Variants in DPP10 observed in about 807,000 individuals in gnomAD.
DPP10 encodes dipeptidyl peptidase like 10.
Under a neutral mutation model 120.9 loss-of-function variants are expected in DPP10, and 33 were observed. The observed-to-expected ratio is 0.27, with a 90% CI of 0.21 to 0.37. DPP10 has a LOEUF of 0.37. Ranked by LOEUF, DPP10 falls within the 10% of genes least tolerant of loss-of-function variation. The pLI is 1.00. For synonymous variants in DPP10, 337 were observed against 326.1 expected (o/e 1.03, Z -0.36); for missense variants, 816 against 942.8 (o/e 0.87, Z 1.76).
chr2:115,434,566 G>A (rs187385509), intron 3 of DPP10, among the ~76,000 whole-genome samples: 1 of 151,742 alleles, frequency 6.6e-6, no homozygotes, highest in South Asian at 2.1e-4. Context: ...GATCCATAAT[G>A]TGGTACATAT....
intron 5 of DPP10, among the ~76,000 whole-genome samples, chr2:115,613,027 A>G (rs1414749237): frequency 6.6e-6 from 1 of 152,204 alleles, no homozygotes; most frequent in Non-Finnish European, 1.5e-5. Flanking sequence ...CACAACTACT[A>G]CATGACCTTC....
intron 5 of DPP10, among the ~76,000 whole-genome samples, chr2:115,628,138 C>A (rs1044421359): frequency 6.6e-6 from 1 of 152,174 alleles, no homozygotes; most frequent in Non-Finnish European, 1.5e-5. Flanking sequence ...TTTTCACCAA[C>A]AGTGTAAAAG....
At chr2:115,703,956 G>A (rs576570507) in intron 7 of DPP10, among the ~76,000 whole-genome samples, 1 of 151,864 alleles carries the variant, frequency 6.6e-6, no homozygotes, top group Admixed American at 6.6e-5. Context: ...TCTAAAATTT[G>A]TTCTCACATC....
At chr2:114,730,107 AT>A (rs1418880595) in intron 1 of DPP10, among the ~76,000 whole-genome samples, 2 of 151,894 alleles carry the variant, frequency 1.3e-5, no homozygotes, top group African/African-American at 2.4e-5. Flanking sequence ...CATAATAAAA[AT>A]ATTATTTGTT....
intron 5 of DPP10, among the ~76,000 whole-genome samples, chr2:115,635,386 G>T (rs2086244624): frequency 6.6e-6 from 1 of 152,148 alleles, no homozygotes; most frequent in Non-Finnish European, 1.5e-5. Flanking sequence ...GAAAAAGTGT[G>T]GTTTCCCAGG....
intron 1 of DPP10, among the ~76,000 whole-genome samples, chr2:114,832,359 C>T (rs1414953297): frequency 6.6e-6 from 1 of 152,078 alleles, no homozygotes; most frequent in Non-Finnish European, 1.5e-5. Flanking sequence ...CGGTGAAACA[C>T]CGCCTCTACT....
rs1468075846 is a variant in DPP10, at chr2:115,478,029, T to C, written c.272-21481T>C. Among the ~76,000 whole-genome samples the C allele has an allele frequency of 3.3e-5, 5 of 152,206 alleles. No individual in the cohort carries two copies. In the East Asian group the frequency reaches 9.7e-4, roughly 30 times the overall value. On this transcript the variant is annotated intron_variant, in intron 3 of 25. Coordinates refer to ENST00000410059, the MANE Select transcript of DPP10 (RefSeq NM_020868.6). ...CACTCTTTTAAACAACCAGATCTCA[T>C]GTGAACTCGGAGTGAGAACTCACTC...
At chr2:114,481,101 A>C (rs1157711792) in intron 1 of DPP10, among the ~76,000 whole-genome samples, 1 of 152,012 alleles carries the variant, frequency 6.6e-6, no homozygotes, top group Non-Finnish European at 1.5e-5. Flanking sequence ...CGAAAGCATG[A>C]TCCAAAAAAG....
chr2:115,265,268 C>CAT (rs55778302), intron 1 of DPP10, among the ~76,000 whole-genome samples: 12,653 of 142,304 alleles, frequency 0.089, 629 homozygotes, highest in Admixed American at 0.15. Flanking sequence ...CTTTGGATTC[C>CAT]ATATATATAT....
intron 1 of DPP10, among the ~76,000 whole-genome samples, chr2:114,678,588 T>G (rs1339734770): frequency 6.6e-6 from 1 of 152,082 alleles, no homozygotes; most frequent in African/African-American, 2.4e-5. Context: ...ATTATTTATT[T>G]ACAAAAGTTC....
At chr2:115,063,218 G>A (rs185936488) in intron 1 of DPP10, among the ~76,000 whole-genome samples, 78 of 152,136 alleles carry the variant, frequency 5.1e-4, no homozygotes, top group East Asian at 5.8e-4. Flanking sequence ...CATGTCCTTC[G>A]TCCACTTTTT....
intron 5 of DPP10, among the ~76,000 whole-genome samples, chr2:115,689,284 T>C (rs2091179054): frequency 6.6e-6 from 1 of 152,214 alleles, no homozygotes; most frequent in South Asian, 2.1e-4. Context: ...ACAGGGAGAA[T>C]CCATCTAATT....
chr2:115,565,919 G>A (rs2080983125), intron 5 of DPP10, among the ~76,000 whole-genome samples: 1 of 151,842 alleles, frequency 6.6e-6, no homozygotes, highest in South Asian at 2.1e-4. Flanking sequence ...CCATGTAGCT[G>A]GGATTATAGG....
intron 1 of DPP10, among the ~76,000 whole-genome samples, chr2:115,034,753 C>T (rs1704107371): frequency 6.6e-6 from 1 of 152,202 alleles, no homozygotes; most frequent in African/African-American, 2.4e-5. Context: ...CTTACTATAT[C>T]CAACTGAACT....
intron 1 of DPP10, among the ~76,000 whole-genome samples, chr2:114,600,491 C>A (rs1014209634): frequency 6.6e-6 from 1 of 151,732 alleles, no homozygotes; most frequent in African/African-American, 2.4e-5. Flanking sequence ...AAGTCCTTCT[C>A]TATTAATTCA....
chr2:114,492,456 AAAAT>A (rs1440759820), intron 1 of DPP10, among the ~76,000 whole-genome samples: 4 of 152,174 alleles, frequency 2.6e-5, no homozygotes, highest in African/African-American at 9.7e-5. Flanking sequence ...GTGCAACTAA[AAAAT>A]AAATAAAAGT....
At chr2:115,401,987 T>C (rs1270649383) in intron 3 of DPP10, among the ~76,000 whole-genome samples, 1 of 152,120 alleles carries the variant, frequency 6.6e-6, no homozygotes, top group South Asian at 2.1e-4. Flanking sequence ...TTCTTGGGCT[T>C]CACTCTCCCT....
At chr2:114,833,066 T>G (rs940448887) in intron 1 of DPP10, among the ~76,000 whole-genome samples, 3 of 152,066 alleles carry the variant, frequency 2.0e-5, no homozygotes, top group African/African-American at 7.2e-5. Flanking sequence ...AAAAAGAAAT[T>G]TTTTTAGACT....
At chr2:115,232,629 C>T (rs1003688348) in intron 1 of DPP10, among the ~76,000 whole-genome samples, 1 of 152,204 alleles carries the variant, frequency 6.6e-6, no homozygotes, top group African/African-American at 2.4e-5. Flanking sequence ...TATGAGTGCT[C>T]GTATGCATTC....
Sources: gnomAD v4.1 joint callset for allele counts (sites outside exome capture counted in the v4.1 genomes callset) on GRCh38, gnomAD v4.1.1 for gene constraint, MANE v1.5 for transcripts, NCBI Gene and HGNC (gene_info 2026-07-23, HGNC 2026-07-21) for gene names.